The following CD44 variants were observed in gnomAD, a reference collection of about 807,000 sequenced individuals.
CD44 encodes the protein CD44 molecule (IN blood group).
A neutral mutation model predicts 88.8 loss-of-function variants in CD44; 49 were observed. That is an observed-to-expected ratio of 0.55 (90% CI 0.44 to 0.70). CD44 has a LOEUF of 0.70. Ranked by LOEUF, CD44 falls within the 30% of genes least tolerant of loss-of-function variation. The pLI is 0.00. For missense variants in CD44, 883 were observed against 913.8 expected (o/e 0.97, Z 0.43); for synonymous variants, 325 against 312.3 (o/e 1.04, Z -0.43).
chr11:35,222,593 T>C, intron 17 of CD44: 4 of 671,960 alleles, frequency 6.0e-6, no homozygotes, highest in Non-Finnish European at 7.2e-6. Context: ...TTACATTTTA[T>C]ATATAATATA....
Position 35,209,475 on chromosome 11 carries a change from G to A in CD44, c.1517-490G>A, listed in dbSNP as rs78769739. On this transcript the variant is annotated intron_variant, in intron 12 of 17. Coordinates refer to ENST00000428726, the MANE Select transcript of CD44 (RefSeq NM_000610.4). Reference sequence around the variant, plus strand: ...AATTTGATCTGTGTTACTTGAGTAGGCTATTCTAGATAGGCTTCTTTTTCT... The same window carrying A: ...AATTTGATCTGTGTTACTTGAGTAGACTATTCTAGATAGGCTTCTTTTTCT... 9.6e-3 allele frequency among the ~76,000 whole-genome samples: 1,455 copies of A among 152,244 alleles called. 9 individuals carry two copies. Among genetic ancestry groups the A allele is most frequent in the Non-Finnish European group, 0.016 (1,056 of 68,012 alleles).
In CD44 at chr11:35,196,779, C is replaced by A; in HGVS notation, c.701C>A (p.Thr234Lys). 1 of 1,613,746 alleles carries A rather than the reference C, an allele frequency of 6.2e-7. No homozygotes were observed. Among genetic ancestry groups the A allele is most frequent in the Non-Finnish European group, 8.5e-7 (1 of 1,179,698 alleles). Residue 234 changes from threonine to lysine, a missense_variant, in exon 6 of 18, where the codon ACA (threonine) becomes AAA (lysine). Physicochemically the swap from Thr to Lys is moderately conservative, Grantham distance 78. Transcript: ENST00000428726. The stretch of plus-strand genomic sequence containing the variant: ...AGCACTAGTGCTACAGCAACTGAGA[C>A]AGCAACCAAGAGGCAAGAAACCTGG... Reference protein sequence around the residue: ...LMSTSATATETATKRQETWDW... With the variant: ...LMSTSATATEKATKRQETWDW...
chr11:35,143,277 T>C (rs944759073), intron 1 of CD44, among the ~76,000 whole-genome samples: 1 of 151,724 alleles, frequency 6.6e-6, no homozygotes, highest in Non-Finnish European at 1.5e-5. Flanking sequence ...TTTAAAAACC[T>C]GATGCTCTGC....
At chr11:35,213,314 C>T (rs1948556926) in intron 14 of CD44, among the ~76,000 whole-genome samples, 1 of 152,226 alleles carries the variant, frequency 6.6e-6, no homozygotes, top group Admixed American at 6.5e-5. Flanking sequence ...ACCCAATTCT[C>T]ATCCTTGGTT....
chr11:35,232,330 T>C lies in CD44; in HGVS notation c.*2997T>C, dbSNP rs1046019997. On this transcript the variant is annotated 3_prime_UTR_variant, in exon 18 of 18. Coordinates refer to ENST00000428726, the MANE Select transcript of CD44 (RefSeq NM_000610.4). ...CAATAATAATGAGGAAAGCATGATA[T>C]GTATATTGCTGAGTTGAAAGCACTT... is the stretch of plus-strand genomic sequence containing the variant. 6 of 152,608 alleles carry C rather than the reference T, an allele frequency of 3.9e-5. No homozygotes were observed. The highest frequency in any genetic ancestry group is 1.4e-4 in the African/African-American group (6 of 41,440). 9.5% of individuals were successfully genotyped at this position (152,608 alleles called of 1,614,324 possible).
intron 16 of CD44, among the ~76,000 whole-genome samples, chr11:35,220,757 A>G (rs942902397): frequency 2.7e-5 from 4 of 148,322 alleles, no homozygotes; most frequent in African/African-American, 1.0e-4. Context: ...CCATTTTAAT[A>G]TACGTCTTTT....
chr11:35,190,633 T>C (rs1354207902), intron 5 of CD44, among the ~76,000 whole-genome samples: 1 of 152,240 alleles, frequency 6.6e-6, no homozygotes, highest in East Asian at 1.9e-4. Context: ...CATACGTGGG[T>C]CAACTGTGGC....
At chr11:35,174,737 GAC>G (rs1373929749) in intron 1 of CD44, among the ~76,000 whole-genome samples, 1 of 152,178 alleles carries the variant, frequency 6.6e-6, no homozygotes, top group African/African-American at 2.4e-5. Flanking sequence ...GAGAGCAAAC[GAC>G]AGGCTTTTGG....
At chr11:35,194,450 C>T (rs767020188) in intron 5 of CD44, among the ~76,000 whole-genome samples, 33 of 152,292 alleles carry the variant, frequency 2.2e-4, no homozygotes, top group Admixed American at 4.6e-4. Context: ...CAAACAGCCA[C>T]GCAACAGCTC....
chr11:35,175,171 GA>G (rs1474260646), intron 1 of CD44, among the ~76,000 whole-genome samples: 1 of 152,224 alleles, frequency 6.6e-6, no homozygotes, highest in African/African-American at 2.4e-5. Flanking sequence ...AAGGAGCTCA[GA>G]ATGTCTGAGA....
Position 35,189,853 on chromosome 11 carries a change from G to A in CD44, c.455G>A (p.Gly152Asp), listed in dbSNP as rs1179165152. 6.2e-7 allele frequency: 1 copy of A among 1,613,362 alleles called. No individual in the cohort carries two copies. The highest frequency in any genetic ancestry group is 8.5e-7 in the Non-Finnish European group (1 of 1,179,492). Reference protein sequence around the residue: ...PITITIVNRDGTRYVQKGEYR... With the variant: ...PITITIVNRDDTRYVQKGEYR... ...CTCCCAGCTATTGTTAACCGTGATG[G>A]CACCCGCTATGTCCAGAAAGGAGAA... is the stretch of plus-strand genomic sequence containing the variant. The change falls in exon 5 of 18, where the codon GGC (glycine) becomes GAC (aspartate). Residue 152 changes from glycine (G) to aspartate (D), a missense_variant. Physicochemically the swap from Gly to Asp is moderately conservative, Grantham distance 94. This residue lies in a region of CD44 where 252 missense variants were observed against 322.9 expected (regional missense o/e 0.78). Transcript: ENST00000428726.
intron 1 of CD44, among the ~76,000 whole-genome samples, chr11:35,171,956 G>A (rs1036740515): frequency 9.2e-5 from 14 of 151,986 alleles, no homozygotes; most frequent in Non-Finnish European, 1.6e-4. Flanking sequence ...ATGAGCAGGA[G>A]CATTGTCATG....
intron 11 of CD44, among the ~76,000 whole-genome samples, chr11:35,207,748 A>T (rs879321244): frequency 1.3e-5 from 2 of 152,200 alleles, no homozygotes; most frequent in African/African-American, 4.8e-5. Flanking sequence ...GAGCCAGCAC[A>T]CTTTGTCTTT....
chr11:35,185,531 C>A (rs544769623), intron 3 of CD44, among the ~76,000 whole-genome samples: 1 of 152,268 alleles, frequency 6.6e-6, no homozygotes, highest in African/African-American at 2.4e-5. Flanking sequence ...GTGATAACAG[C>A]CTTTCTTGTG....
chr11:35,223,972 G>A (rs997612622), intron 17 of CD44, among the ~76,000 whole-genome samples: 8 of 152,160 alleles, frequency 5.3e-5, no homozygotes, highest in African/African-American at 1.9e-4. Flanking sequence ...CCCTGGCAAG[G>A]AGAAAGAGAA....
chr11:35,147,818 G>A (rs1047167018), intron 1 of CD44, among the ~76,000 whole-genome samples: 3 of 152,094 alleles, frequency 2.0e-5, no homozygotes, highest in African/African-American at 7.2e-5. Flanking sequence ...GCTGGGAAAG[G>A]TGGCTCACAC....
intron 7 of CD44, 34 bp downstream of exon 7, chr11:35,198,280 G>A (rs1234163252): frequency 8.7e-6 from 14 of 1,601,800 alleles, no homozygotes; most frequent in Non-Finnish European, 1.1e-5. Context: ...AGCCATTTAT[G>A]CAAGGCTTAT....
chr11:35,186,950 G>A, intron 4 of CD44, 50 bp downstream of exon 4: 1 of 1,071,502 alleles, frequency 9.3e-7, no homozygotes, highest in Non-Finnish European at 1.5e-6. Context: ...TGGGGAAAGG[G>A]CTCAGGTGTG....
At chr11:35,171,655 T>C (rs1943905574) in intron 1 of CD44, among the ~76,000 whole-genome samples, 1 of 152,174 alleles carries the variant, frequency 6.6e-6, no homozygotes, top group Non-Finnish European at 1.5e-5. Flanking sequence ...TTTAAAGATG[T>C]AAACTTTACT....
Sources: gnomAD v4.1 joint callset for allele counts (sites outside exome capture counted in the v4.1 genomes callset) on GRCh38, gnomAD v4.1.1 for gene constraint, gnomAD v4.1.1 regional missense constraint, MANE v1.5 for transcripts, NCBI Gene and HGNC (gene_info 2026-07-23, HGNC 2026-07-21) for gene names.